The following IQCH variants were observed in gnomAD, a reference collection of about 807,000 sequenced individuals.
The protein encoded by IQCH is IQ domain-containing protein H.
IQCH carries 98 observed loss-of-function variants against 117.0 expected under a neutral mutation model. That is an observed-to-expected ratio of 0.84 (90% CI 0.71 to 0.99). The LOEUF (loss-of-function observed/expected upper bound fraction) is 0.99. Ranked by LOEUF, IQCH falls within the 50% of genes least tolerant of loss-of-function variation. The probability of loss-of-function intolerance (pLI) is 0.00; values close to 1 mark genes in which losing one functional copy is unlikely to be tolerated. For synonymous variants in IQCH, 412 were observed against 448.2 expected, an observed-to-expected ratio of 0.92 and a Z score of 1.02; for missense variants, 1,102 against 1,243.8, an observed-to-expected ratio of 0.89 and a Z score of 1.72.
In IQCH at chr15:67,432,864, G is replaced by A. The variant is rs1236317208; in HGVS notation, c.2505+11287G>A. Among the ~76,000 whole-genome samples the A allele has an allele frequency of 6.6e-6, 1 of 152,156 alleles. No individual in the cohort carries two copies. Among genetic ancestry groups the A allele is most frequent in the Non-Finnish European group, 1.5e-5 (1 of 68,028 alleles). The stretch of plus-strand genomic sequence containing the variant: ...ATAAATATTTATTTAATGAATGAAT[G>A]AATACTTCTCTAAATCCCCCTCTAG... On this transcript the variant is annotated intron_variant, in intron 16 of 20. Transcript: ENST00000335894. The surrounding 1 kb of genome is among the most constrained non-coding windows in gnomAD (Gnocchi z 5.0).
intron 16 of IQCH, among the ~76,000 whole-genome samples, chr15:67,461,153 A>T (rs1200097705): frequency 6.6e-6 from 1 of 152,162 alleles, no homozygotes; most frequent in South Asian, 2.1e-4. Flanking sequence ...AGGTGGGTGG[A>T]TCACTTGAGG....
At chr15:67,470,369 G>A (rs969123579) in intron 17 of IQCH, among the ~76,000 whole-genome samples, 4 of 152,050 alleles carry the variant, frequency 2.6e-5, no homozygotes, top group Admixed American at 6.6e-5. Context: ...TAGTAGAGAC[G>A]GGGTTTCACC....
At chr15:67,352,367 A>G (rs1017789490) in intron 6 of IQCH, among the ~76,000 whole-genome samples, 1 of 152,046 alleles carries the variant, frequency 6.6e-6, no homozygotes, top group East Asian at 1.9e-4. Flanking sequence ...AGAATTTGTT[A>G]TATTAGCCAA....
chr15:67,315,310 C>A (rs900646424), intron 4 of IQCH, among the ~76,000 whole-genome samples: 2 of 152,150 alleles, frequency 1.3e-5, no homozygotes, highest in African/African-American at 4.8e-5. Context: ...TCTTGGTGAG[C>A]AGCAGAATCA....
At position 67,465,934 on chromosome 15, in the gene IQCH, T is replaced by C. The variant is rs1008099545; in HGVS notation, c.2676+637T>C. Among the ~76,000 whole-genome samples the C allele has an allele frequency of 6.6e-6, 1 of 152,212 alleles. No individual in the cohort carries two copies. Among genetic ancestry groups the C allele is most frequent in the Non-Finnish European group, 1.5e-5 (1 of 68,028 alleles). ...TCCTAAGATTCCCTGTCCCTGCCTG[T>C]GCCCTCAGCCTAAACAGACACGGCA... is the stretch of plus-strand genomic sequence containing the variant. On this transcript the variant is annotated intron_variant, in intron 17 of 20. Coordinates refer to ENST00000335894, the MANE Select transcript of IQCH (RefSeq NM_001031715.3). The surrounding 1 kb of genome is among the most constrained non-coding windows in gnomAD (Gnocchi z 5.9).
Position 67,408,415 on chromosome 15 carries a change from A to C in IQCH, c.2097+8110A>C, listed in dbSNP as rs1392495340. 6.6e-6 allele frequency: 1 copy of C among 152,230 alleles called. No individual in the cohort carries two copies. The highest frequency in any genetic ancestry group is 1.5e-5 in the Non-Finnish European group (1 of 68,042). 9.4% of individuals were successfully genotyped at this position (152,230 alleles called of 1,614,324 possible). On this transcript the variant is annotated intron_variant, in intron 14 of 20. Coordinates refer to ENST00000335894, the MANE Select transcript of IQCH (RefSeq NM_001031715.3). The surrounding 1 kb of genome is among the most constrained non-coding windows in gnomAD (Gnocchi z 4.2). ...ACTTTCCTGTGACTGTGCCAGATCC[A>C]ACAAAAATCCTGACTTTGGAATTCA...
In IQCH at chr15:67,490,080, A is replaced by G; in HGVS notation, c.2861+16A>G. The G allele has an allele frequency of 1.3e-6, 2 of 1,559,818 alleles. No homozygotes were observed. Among genetic ancestry groups the G allele is most frequent in the Non-Finnish European group, 1.7e-6 (2 of 1,144,512 alleles). On this transcript the variant is annotated intron_variant, in intron 19 of 20. Transcript: ENST00000335894. This position sits in a 1 kb window ranked among gnomAD's most constrained non-coding sequence, Gnocchi z 4.9. ...TGGGAATGTTGTGAGTATGAAGTGTATCTGTGAGTTGCAATAAGCTAAGGA... is the reference window on the plus strand; with the variant it reads ...TGGGAATGTTGTGAGTATGAAGTGTGTCTGTGAGTTGCAATAAGCTAAGGA...
chr15:67,327,369 C>G (rs1178237232), intron 4 of IQCH, among the ~76,000 whole-genome samples: 1 of 152,048 alleles, frequency 6.6e-6, no homozygotes, highest in Non-Finnish European at 1.5e-5. Context: ...CATGCAATGT[C>G]TGAATATTTT....
In IQCH at chr15:67,317,328, G is replaced by A. The variant is rs187355223; in HGVS notation, c.388-19647G>A. Among the ~76,000 whole-genome samples the A allele has an allele frequency of 1.3e-4, 20 of 151,852 alleles. 1 individual carries two copies. The East Asian group carries it at 1.9e-3, about 15-fold the overall frequency. The stretch of plus-strand genomic sequence containing the variant: ...AGTGATTCTCCTGCCTCAGCCTCCC[G>A]GGTAGCTGGGATTACAGGTGCACAC... On this transcript the variant is annotated intron_variant, in intron 4 of 20. Coordinates refer to ENST00000335894, the MANE Select transcript of IQCH (RefSeq NM_001031715.3).
At chr15:67,442,825 T>C (rs2082304379) in intron 16 of IQCH, among the ~76,000 whole-genome samples, 2 of 113,454 alleles carry the variant, frequency 1.8e-5, no homozygotes, top group Admixed American at 2.1e-4. Context: ...GTGAGATAGA[T>C]AGATAGATAG....
At chr15:67,336,590 A>G (rs1040617802) in intron 4 of IQCH, among the ~76,000 whole-genome samples, 10 of 152,148 alleles carry the variant, frequency 6.6e-5, no homozygotes, top group African/African-American at 2.4e-4. Context: ...TAACATTAAC[A>G]CTCTAACATT....
In IQCH at chr15:67,493,388, T is replaced by G. The variant is rs374659071; in HGVS notation, c.2862-870T>G. ...TGACCACCTTATATAGGGAGCCCTATAATGCTACAGGATAGTTTGCAAGCT... is the reference window on the plus strand; with the variant it reads ...TGACCACCTTATATAGGGAGCCCTAGAATGCTACAGGATAGTTTGCAAGCT... On this transcript the variant is annotated intron_variant, in intron 19 of 20. Coordinates refer to ENST00000335894, the MANE Select transcript of IQCH (RefSeq NM_001031715.3). The surrounding 1 kb of genome is among the most constrained non-coding windows in gnomAD (Gnocchi z 5.1). Among the ~76,000 whole-genome samples the G allele has an allele frequency of 6.6e-6, 1 of 152,216 alleles. No homozygotes were observed. The highest frequency in any genetic ancestry group is 1.9e-4 in the East Asian group (1 of 5,196).
Position 67,342,276 on chromosome 15 carries a change from A to G in IQCH, c.509-1787A>G, listed in dbSNP as rs773378755. ...AATGAGACCCTGTCTCTAAAAAAGC[A>G]AAACAAAACAAAGATGCATACAGAG... On this transcript the variant is annotated intron_variant, in intron 5 of 20. Coordinates refer to ENST00000335894, the MANE Select transcript of IQCH (RefSeq NM_001031715.3). This position sits in a 1 kb window ranked among gnomAD's most constrained non-coding sequence, Gnocchi z 4.7. Among the ~76,000 whole-genome samples, 15 of 152,200 alleles carry G rather than the reference A, an allele frequency of 9.9e-5. No homozygotes were observed. Among genetic ancestry groups the G allele is most frequent in the Non-Finnish European group, 1.8e-4 (12 of 68,034 alleles).
rs562915945 is a variant in IQCH at position 67,324,490 on chromosome 15, A to G, written c.388-12485A>G. On this transcript the variant is annotated intron_variant, in intron 4 of 20. Transcript: ENST00000335894. ...CCAGGCGTGGTGGCACATGCCTGTT[A>G]TCTCAGCTACTCAGGAGGCTGAGAC... Among the ~76,000 whole-genome samples the G allele has an allele frequency of 2.8e-4, 42 of 151,696 alleles. 1 individual carries two copies. The East Asian group carries it at 4.9e-3, about 18-fold the overall frequency.
intron 4 of IQCH, among the ~76,000 whole-genome samples, chr15:67,295,084 G>T (rs371152077): frequency 6.6e-6 from 1 of 152,080 alleles, no homozygotes; most frequent in Non-Finnish European, 1.5e-5. Context: ...CCTTGAGACG[G>T]CTATTTTAAA....
In IQCH at chr15:67,419,585, G is replaced by A. The variant is rs572657532; in HGVS notation, c.2219-1706G>A. Among the ~76,000 whole-genome samples the A allele has an allele frequency of 9.9e-5, 15 of 152,150 alleles. No homozygotes were observed. In the South Asian group the frequency reaches 2.3e-3, roughly 23 times the overall value. ...TTTTTATTTTTTGAGATAGGGTCTC[G>A]CTCTATCACCCAGACTGGAGTGCAG... On this transcript the variant is annotated intron_variant, in intron 15 of 20. Coordinates refer to ENST00000335894, the MANE Select transcript of IQCH (RefSeq NM_001031715.3).
At position 67,405,348 on chromosome 15, in the gene IQCH, T is replaced by C. The variant is rs1971846921; in HGVS notation, c.2097+5043T>C. On this transcript the variant is annotated intron_variant, in intron 14 of 20. Coordinates refer to ENST00000335894, the MANE Select transcript of IQCH (RefSeq NM_001031715.3). This position sits in a 1 kb window ranked among gnomAD's most constrained non-coding sequence, Gnocchi z 4.8. ...TGAGATTAAGCATTTTGTAGATCTA[T>C]GAATGCACTGTTAAGGTGTTGACAT... 1.3e-5 allele frequency: 2 copies of C among 152,982 alleles called. No individual in the cohort carries two copies. The highest frequency in any genetic ancestry group is 2.9e-5 in the Non-Finnish European group (2 of 68,578). The allele number at this position is 152,982 out of a possible 1,614,324, so 9.5% of individuals were successfully genotyped here. A position where few individuals can be genotyped will look rare whatever the true frequency, so the allele number is the denominator to read the frequency against.
In IQCH at chr15:67,413,750, C is replaced by T. The variant is rs190727159; in HGVS notation, c.2098-3181C>T. 3.8e-3 allele frequency among the ~76,000 whole-genome samples: 585 copies of T among 152,294 alleles called. 2 individuals are homozygous for T. The highest frequency in any genetic ancestry group is 0.013 in the African/African-American group (546 of 41,558). On this transcript the variant is annotated intron_variant, in intron 14 of 20. Coordinates refer to ENST00000335894, the MANE Select transcript of IQCH (RefSeq NM_001031715.3). The surrounding 1 kb of genome is among the most constrained non-coding windows in gnomAD (Gnocchi z 5.0). ...AAGCTGCCTCTGTGTGCCCCAGCAT[C>T]CCTACTGAATGTCACCCCGCCAGTG... is the stretch of plus-strand genomic sequence containing the variant.
chr15:67,285,211 A>G (rs781088916), intron 4 of IQCH, among the ~76,000 whole-genome samples: 8 of 152,040 alleles, frequency 5.3e-5, no homozygotes, highest in Admixed American at 1.3e-4. Flanking sequence ...ATAATCAGTG[A>G]TGTTGACCTT....
Sources: gnomAD v4.1 joint callset for allele counts (sites outside exome capture counted in the v4.1 genomes callset) on GRCh38, gnomAD v4.1.1 for gene constraint, Gnocchi (gnomAD v3.1) non-coding constraint, MANE v1.5 for transcripts, NCBI Gene and HGNC (gene_info 2026-07-23, HGNC 2026-07-21) for gene names.